Variants in SLC6A5 observed in about 807,000 individuals in gnomAD.
The protein encoded by SLC6A5 is sodium- and chloride-dependent glycine transporter 2.
SLC6A5 carries 58 observed loss-of-function variants against 90.5 expected under a neutral mutation model. The ratio of observed to expected loss-of-function variants is 0.64; its 90% CI spans 0.52 to 0.80. SLC6A5 has a LOEUF of 0.80. SLC6A5 is among the 30% of genes least tolerant of loss of function. The probability of loss-of-function intolerance (pLI) is 0.00; values close to 1 mark genes in which losing one functional copy is unlikely to be tolerated. For missense variants in SLC6A5, 1,015 were observed against 1,017.6 expected, an observed-to-expected ratio of 1.00 and a Z score of 0.03; for synonymous variants, 427 against 401.4, an observed-to-expected ratio of 1.06 and a Z score of -0.76.
intron 1 of SLC6A5, 29 bp from the exon 2 acceptor site, chr11:20,601,100 T>C (rs765981060): frequency 1.7e-5 from 27 of 1,572,872 alleles, no homozygotes; most frequent in Non-Finnish European, 2.3e-5. Context: ...GTGACTTTGT[T>C]TTGCACGAAC....
At chr11:20,611,592 T>C (rs989263589) in intron 5 of SLC6A5, among the ~76,000 whole-genome samples, 5 of 152,194 alleles carry the variant, frequency 3.3e-5, no homozygotes, top group Admixed American at 6.5e-5. Context: ...TCCAAACTCT[T>C]TGGGGAGATG....
intron 13 of SLC6A5, 78 bp from the exon 14 acceptor site, chr11:20,646,756 G>T (rs1399524544): frequency 3.2e-6 from 3 of 952,206 alleles, no homozygotes; most frequent in Non-Finnish European, 5.2e-6. Flanking sequence ...TGAGTGAGGG[G>T]CTCTAGTGCC....
At chr11:20,618,160 C>T (rs1368065750) in intron 7 of SLC6A5, among the ~76,000 whole-genome samples, 1 of 152,072 alleles carries the variant, frequency 6.6e-6, no homozygotes, top group Non-Finnish European at 1.5e-5. Flanking sequence ...CCTTCCTTTC[C>T]TCTCAGGGGC....
rs1853032834 is a variant in SLC6A5 at position 20,627,985 on chromosome 11, G to A, written c.1401G>A (p.Trp467Ter). ...CTTTCCCTTTTGCCTCTCAGGTGTG[G>A]AAAGATGCTGCCACTCAGATTTTCT... ...KWEKLTDATVWKDAATQIFFS... is the reference protein window; with the variant it reads ...KWEKLTDATV Residue 467 changes from tryptophan to a stop codon, truncating the protein, a stop_gained, in exon 9 of 16, where the codon TGG becomes TGA. Coordinates refer to ENST00000525748, the MANE Select transcript of SLC6A5 (RefSeq NM_004211.5). LOFTEE classifies it high-confidence loss of function. 6.2e-7 allele frequency: 1 copy of A among 1,613,896 alleles called. No individual in the cohort carries two copies. Among genetic ancestry groups the A allele is most frequent in the Non-Finnish European group, 8.5e-7 (1 of 1,179,872 alleles).
intron 14 of SLC6A5, among the ~76,000 whole-genome samples, chr11:20,651,224 C>T (rs1344956105): frequency 7.9e-6 from 1 of 126,124 alleles, no homozygotes; most frequent in Non-Finnish European, 1.7e-5. Context: ...TCCCTCCACC[C>T]CCCACCCCTC....
intron 7 of SLC6A5, among the ~76,000 whole-genome samples, chr11:20,622,139 T>G (rs76593807): frequency 0.027 from 4,070 of 152,268 alleles, 195 homozygotes; most frequent in African/African-American, 0.092. Context: ...CCTCTGACAA[T>G]ACAATGTGGA....
At chr11:20,638,833 AT>A (rs1853259921) in intron 13 of SLC6A5, among the ~76,000 whole-genome samples, 2 of 152,206 alleles carry the variant, frequency 1.3e-5, no homozygotes, top group Non-Finnish European at 2.9e-5. Flanking sequence ...ATGATCTGGC[AT>A]TTGAACAGTT....
intron 6 of SLC6A5, among the ~76,000 whole-genome samples, 168 bp downstream of exon 6, chr11:20,614,988 T>C (rs1852759418): frequency 6.6e-6 from 1 of 152,224 alleles, no homozygotes. Flanking sequence ...CTTGTGAGCC[T>C]GGAAAGCAGA....
Position 20,601,377 on chromosome 11 carries a change from C to A in SLC6A5, c.252C>A (p.Ser84Arg). Residue 84 changes from serine (S) to arginine (R), a missense_variant, in exon 2 of 16, where the codon AGC becomes AGA. Around this residue, in one of 3 missense-constraint regions of SLC6A5, gnomAD observed 567 missense variants for 507.3 expected, o/e 1.12. Transcript: ENST00000525748. ...GAGTGGGGTCTTGCAAACTCAGTAG[C>A]CCGCGGGCGCAGGCGGCCTCTGCAG... ...RPGVGSCKLSSPRAQAASAAL... is the reference protein window; with the variant it reads ...RPGVGSCKLSRPRAQAASAAL... The A allele has an allele frequency of 1.2e-6, 2 of 1,603,136 alleles. No homozygotes were observed. Among genetic ancestry groups the A allele is most frequent in the Non-Finnish European group, 1.7e-6 (2 of 1,176,196 alleles).
chr11:20,606,941 A>AACC, intron 3 of SLC6A5, 66 bp from the exon 4 acceptor site: 1 of 1,606,518 alleles, frequency 6.2e-7, no homozygotes, highest in Non-Finnish European at 8.5e-7. Flanking sequence ...CCTAGCCCAG[A>AACC]GGGTTAAGGA....
Position 20,657,106 on chromosome 11 carries a change from C to T in SLC6A5, c.*2238C>T, listed in dbSNP as rs1430958458. On this transcript the variant is annotated 3_prime_UTR_variant, in exon 16 of 16. Coordinates refer to ENST00000525748, the MANE Select transcript of SLC6A5 (RefSeq NM_004211.5). ...TTGTGTCAGGATGAATGGTTTTTGG[C>T]TCTCCTGTTGCCTCTTGGCTAAAAC... The T allele has an allele frequency of 6.6e-6, 1 of 151,926 alleles. No homozygotes were observed. Among genetic ancestry groups the T allele is most frequent in the Admixed American group, 6.6e-5 (1 of 15,240 alleles). 9.4% of individuals were successfully genotyped at this position (151,926 alleles called of 1,614,324 possible).
At position 20,639,368 on chromosome 11, in the gene SLC6A5, A is replaced by G. The variant is rs146821915; in HGVS notation, c.1969+810A>G. Among the ~76,000 whole-genome samples the G allele has an allele frequency of 3.3e-5, 5 of 152,314 alleles. No individual in the cohort carries two copies. The East Asian group carries it at 9.6e-4, about 29-fold the overall frequency. On this transcript the variant is annotated intron_variant, in intron 13 of 15. Transcript: ENST00000525748. ...ATATAAGGCCACCATAGCAAATATC[A>G]GGAAGGCGAACACTTCCAGTTCAGA...
chr11:20,644,488 C>T (rs1853372404), intron 13 of SLC6A5, among the ~76,000 whole-genome samples: 1 of 152,236 alleles, frequency 6.6e-6, no homozygotes, highest in Non-Finnish European at 1.5e-5. Flanking sequence ...AGTTGATGTG[C>T]ACTTATGTTG....
chr11:20,639,686 C>T (rs1393944929), intron 13 of SLC6A5, among the ~76,000 whole-genome samples: 29 of 152,110 alleles, frequency 1.9e-4, no homozygotes, highest in Non-Finnish European at 3.8e-4. Context: ...TTCTGGAAAA[C>T]TCATTAAAAT....
At chr11:20,613,163 C>T (rs1413350414) in intron 5 of SLC6A5, among the ~76,000 whole-genome samples, 1 of 152,138 alleles carries the variant, frequency 6.6e-6, no homozygotes, top group Non-Finnish European at 1.5e-5. Flanking sequence ...CTTGGCTAGC[C>T]ACTGCATCCC....
intron 6 of SLC6A5, among the ~76,000 whole-genome samples, chr11:20,616,805 C>G (rs1044698134): frequency 3.3e-5 from 5 of 152,174 alleles, no homozygotes; most frequent in Admixed American, 1.3e-4. Context: ...CTCAAGCTAG[C>G]CAGCTGGACC....
At chr11:20,634,350 A>G (rs921182542) in intron 10 of SLC6A5, among the ~76,000 whole-genome samples, 2 of 152,236 alleles carry the variant, frequency 1.3e-5, no homozygotes, top group Non-Finnish European at 2.9e-5. Context: ...GGGTAAGTGG[A>G]GTCTGCTGTA....
Position 20,656,458 on chromosome 11 carries a change from A to T in SLC6A5, c.*1590A>T, listed in dbSNP as rs1853638020. 1 of 152,090 alleles carries T rather than the reference A, an allele frequency of 6.6e-6. No individual in the cohort carries two copies. The highest frequency in any genetic ancestry group is 2.1e-4 in the South Asian group (1 of 4,826). The allele number at this position is 152,090 out of a possible 1,614,324, so 9.4% of individuals were successfully genotyped here. ...TTCAAATCTTGTATATTGTTGTGACATTTTCATCCTGTTTAACAGCAATGA... is the reference window on the plus strand; with the variant it reads ...TTCAAATCTTGTATATTGTTGTGACTTTTTCATCCTGTTTAACAGCAATGA... On this transcript the variant is annotated 3_prime_UTR_variant, in exon 16 of 16. Transcript: ENST00000525748.
intron 8 of SLC6A5, among the ~76,000 whole-genome samples, chr11:20,627,718 G>A (rs1373479430): frequency 2.6e-5 from 4 of 152,182 alleles, no homozygotes; most frequent in African/African-American, 9.7e-5. Flanking sequence ...AGCTTTACAG[G>A]AGAGAACATA....
Sources: gnomAD v4.1 joint callset for allele counts (sites outside exome capture counted in the v4.1 genomes callset) on GRCh38, gnomAD v4.1.1 for gene constraint, gnomAD v4.1.1 regional missense constraint, MANE v1.5 for transcripts, NCBI Gene and HGNC (gene_info 2026-07-23, HGNC 2026-07-21) for gene names.